The following CSTPP1 variants were observed in gnomAD, a reference collection of about 807,000 sequenced individuals.
The protein encoded by CSTPP1 is UPF0705 protein C11orf49.
chr11:47,092,093 A>G, the CSTPP1 span, among the ~76,000 whole-genome samples: 1 of 152,182 alleles, frequency 6.6e-6, no homozygotes, highest in South Asian at 2.1e-4. Context: ...TTTTTCCTAC[A>G]TTTTGTAACT....
At chr11:47,029,962 G>GAAGA in the CSTPP1 span, among the ~76,000 whole-genome samples, 2 of 150,192 alleles carry the variant, frequency 1.3e-5, no homozygotes, top group Non-Finnish European at 3.0e-5. Context: ...AGAAAGAAAG[G>GAAGA]AAGAAAGAAA....
chr11:47,026,973 A>G, the CSTPP1 span, among the ~76,000 whole-genome samples: 1 of 152,178 alleles, frequency 6.6e-6, no homozygotes, highest in Non-Finnish European at 1.5e-5. Context: ...TTTTATTCTC[A>G]GTACCTTCCT....
the CSTPP1 span, among the ~76,000 whole-genome samples, chr11:47,033,081 C>A: frequency 6.6e-6 from 1 of 152,112 alleles, no homozygotes; most frequent in South Asian, 2.1e-4. Flanking sequence ...CCATCTTTTT[C>A]TTCTTGATGT....
chr11:47,131,176 T>C, the CSTPP1 span, among the ~76,000 whole-genome samples: 2 of 152,190 alleles, frequency 1.3e-5, no homozygotes, highest in Non-Finnish European at 2.9e-5. Context: ...GGAATGAATA[T>C]ATGGCCCCAC....
chr11:47,087,215 C>A, the CSTPP1 span, among the ~76,000 whole-genome samples: 5 of 152,014 alleles, frequency 3.3e-5, no homozygotes, highest in Non-Finnish European at 5.9e-5. Context: ...AATTTGGGAA[C>A]AATAGCTAAT....
At chr11:47,092,989 T>C in the CSTPP1 span, among the ~76,000 whole-genome samples, 3 of 152,228 alleles carry the variant, frequency 2.0e-5, no homozygotes, top group Non-Finnish European at 2.9e-5. Context: ...ATTTGTTTAA[T>C]AACTAGATGA....
At chr11:46,974,526 CAAA>C in the CSTPP1 span, among the ~76,000 whole-genome samples, 3 of 118,278 alleles carry the variant, frequency 2.5e-5, no homozygotes, top group Non-Finnish European at 5.1e-5. Context: ...GACTCTGTCT[CAAA>C]AAAAAAAAAA....
the CSTPP1 span, among the ~76,000 whole-genome samples, chr11:47,019,208 C>T: frequency 1.3e-5 from 2 of 152,052 alleles, no homozygotes; most frequent in Non-Finnish European, 2.9e-5. Context: ...CGGGGTTTCA[C>T]CATGTTGGCC....
the CSTPP1 span, among the ~76,000 whole-genome samples, chr11:47,033,890 C>T: frequency 6.6e-6 from 1 of 151,988 alleles, no homozygotes. Context: ...GTATTACAGA[C>T]CATTTTGATA....
the CSTPP1 span, among the ~76,000 whole-genome samples, chr11:47,141,217 T>C: frequency 6.6e-6 from 1 of 152,130 alleles, no homozygotes; most frequent in Non-Finnish European, 1.5e-5. Flanking sequence ...TTCATTACCC[T>C]AAAAAGAAAT....
At chr11:47,054,204 G>A in the CSTPP1 span, among the ~76,000 whole-genome samples, 54 of 151,110 alleles carry the variant, frequency 3.6e-4, 1 homozygote, top group South Asian at 1.5e-3. Context: ...CCAGCTACCC[G>A]GGAGGCTGAG....
the CSTPP1 span, among the ~76,000 whole-genome samples, chr11:46,938,019 C>T: frequency 6.6e-6 from 1 of 152,072 alleles, no homozygotes; most frequent in Non-Finnish European, 1.5e-5. Context: ...AGATTACAGG[C>T]ATGCGCCACC....
the CSTPP1 span, among the ~76,000 whole-genome samples, chr11:46,975,200 C>A: frequency 1.3e-5 from 2 of 151,890 alleles, no homozygotes; most frequent in Admixed American, 1.3e-4. Flanking sequence ...TTGCTTGAAC[C>A]TGGGAGGTCA....
chr11:47,067,330 A>G, the CSTPP1 span, among the ~76,000 whole-genome samples: 1,361 of 152,272 alleles, frequency 8.9e-3, 20 homozygotes, highest in African/African-American at 0.029. Context: ...ATATTATAAC[A>G]TCATATATAA....
chr11:47,066,308 C>G, the CSTPP1 span, among the ~76,000 whole-genome samples: 5 of 151,716 alleles, frequency 3.3e-5, no homozygotes, highest in African/African-American at 1.2e-4. Flanking sequence ...CCAGCTGGGG[C>G]CACTGTGTGA....
chr11:47,016,839 CTTTTTTTTTT>C, the CSTPP1 span, among the ~76,000 whole-genome samples: 1 of 99,824 alleles, frequency 1.0e-5, no homozygotes, highest in African/African-American at 3.9e-5. Context: ...TCATTTAGTA[CTTTTTTTTTT>C]TTTTTTTTTT....
At chr11:47,161,577 C>T in the CSTPP1 span, 7 of 1,614,084 alleles carry the variant, frequency 4.3e-6, no homozygotes, top group Non-Finnish European at 5.9e-6. Flanking sequence ...CTCCATCATT[C>T]CCGAAAAGTG....
chr11:47,138,836 AG>A, the CSTPP1 span, among the ~76,000 whole-genome samples: 1 of 152,048 alleles, frequency 6.6e-6, no homozygotes, highest in African/African-American at 2.4e-5. Context: ...AAAATTAACC[AG>A]GCACGGTTGC....
chr11:47,115,685 A>C, the CSTPP1 span, among the ~76,000 whole-genome samples: 1 of 149,126 alleles, frequency 6.7e-6, no homozygotes, highest in Non-Finnish European at 1.5e-5. Context: ...TATTGCATCT[A>C]TTTGATTCTT....
Sources: allele counts gnomAD v4.1 joint callset (sites outside exome capture counted in the v4.1 genomes callset), GRCh38; gene constraint gnomAD v4.1.1; transcripts MANE v1.5; gene names NCBI Gene and HGNC (gene_info 2026-07-23, HGNC 2026-07-21).